Variants in PPL observed in about 807,000 individuals in gnomAD.
The protein encoded by PPL is 190 kDa paraneoplastic pemphigus antigen.
Under a neutral mutation model 194.4 loss-of-function variants are expected in PPL, and 198 were observed. That is an observed-to-expected ratio of 1.02 (90% CI 0.91 to 1.15). The LOEUF (loss-of-function observed/expected upper bound fraction) is 1.15. Ranked by LOEUF, PPL falls within the 50% of genes most tolerant of loss-of-function variation. PPL has a pLI of 0.00. For synonymous variants in PPL, 1,220 were observed against 972.4 expected, an observed-to-expected ratio of 1.25 and a Z score of -4.74; for missense variants, 2,885 against 2,294.8, an observed-to-expected ratio of 1.26 and a Z score of -5.25.
intron 2 of PPL, among the ~76,000 whole-genome samples, chr16:4,907,192 G>A (rs1353776346): frequency 2.6e-5 from 4 of 151,824 alleles, no homozygotes; most frequent in African/African-American, 9.7e-5. Context: ...AGCCCAGGAG[G>A]TTGAGGCTTC....
chr16:4,920,818 G>C (rs115045199), intron 1 of PPL, among the ~76,000 whole-genome samples: 58 of 152,198 alleles, frequency 3.8e-4, no homozygotes, highest in African/African-American at 1.3e-3. Context: ...GCCCAGGCTG[G>C]TCTTAAACTC....
intron 1 of PPL, among the ~76,000 whole-genome samples, chr16:4,926,887 A>AAAAC (rs1165540800): frequency 2.6e-5 from 3 of 115,766 alleles, no homozygotes; most frequent in East Asian, 1.9e-4. Flanking sequence ...TCAAAAAAAA[A>AAAAC]AAAAACAAAA....
At chr16:4,932,822 C>T (rs1285803727) in intron 1 of PPL, among the ~76,000 whole-genome samples, 1 of 152,004 alleles carries the variant, frequency 6.6e-6, no homozygotes, top group East Asian at 1.9e-4. Context: ...CATGTGCATC[C>T]CCTCATTTGA....
chr16:4,899,109 G>C lies in PPL; in HGVS notation c.780C>G (p.Asn260Lys), dbSNP rs149446260. ...SRRRQYENFI[N>K]RNLEAKEERI... is the part of the protein sequence containing the mutation. ...TCTCCTCTTTGGCCTCCAGGTTCCGGTTGATGAAATTCTGCAGTGGGGGGC... is the reference window on the plus strand; with the variant it reads ...TCTCCTCTTTGGCCTCCAGGTTCCGCTTGATGAAATTCTGCAGTGGGGGGC... Residue 260 changes from asparagine (N) to lysine (K), a missense_variant, in exon 8 of 22, where the codon AAC becomes AAG. Transcript: ENST00000345988. 4 of 1,613,820 alleles carry C rather than the reference G, an allele frequency of 2.5e-6. No homozygotes were observed. The highest frequency in any genetic ancestry group is 2.5e-6 in the Non-Finnish European group (3 of 1,179,992).
At chr16:4,894,679 T>G (rs779329762) in intron 11 of PPL, 61 bp from the exon 12 acceptor site, 116 of 1,576,722 alleles carry the variant, frequency 7.4e-5, no homozygotes, top group Non-Finnish European at 9.6e-5. Flanking sequence ...GGGAGCCCGG[T>G]TGCCATCTCA....
At chr16:4,897,802 G>C in intron 8 of PPL, 32 bp from the exon 9 acceptor site, 1 of 1,574,272 alleles carries the variant, frequency 6.4e-7, no homozygotes, top group Non-Finnish European at 8.7e-7. Context: ...GGTCACCACT[G>C]GGCAGGTACT....
intron 19 of PPL, 144 bp downstream of exon 19, chr16:4,888,834 C>G: frequency 1.3e-6 from 1 of 761,796 alleles, no homozygotes; most frequent in Non-Finnish European, 2.3e-6. Flanking sequence ...AAAGCCTGTG[C>G]CAGTTTGCAC....
In PPL at chr16:4,885,703, C is replaced by CT. The variant is rs1177151819; in HGVS notation, c.2951dup (p.Thr985AspfsTer19). ...CGTACTCCTGCCCCCCGTCTCTGGT[C>CT]TCCTGCTCCAGGGCACGCAGCTGCA... is the stretch of plus-strand genomic sequence containing the variant. On this transcript the variant is annotated frameshift_variant, in exon 22 of 22. Transcript: ENST00000345988. LOFTEE classifies it high-confidence loss of function. This position sits in a 1 kb window ranked among gnomAD's most constrained non-coding sequence, Gnocchi z 6.3. 3 of 1,613,454 alleles carry CT rather than the reference C, an allele frequency of 1.9e-6. No individual in the cohort carries two copies. The African/African-American group carries it at 4.0e-5, about 22-fold the overall frequency.
intron 4 of PPL, among the ~76,000 whole-genome samples, chr16:4,901,497 T>C (rs1438406021): frequency 2.0e-5 from 3 of 152,160 alleles, no homozygotes. Flanking sequence ...GAGACCAGCC[T>C]GGCCAATGTA....
intron 9 of PPL, among the ~76,000 whole-genome samples, chr16:4,896,497 A>G (rs1308190292): frequency 6.6e-6 from 1 of 152,188 alleles, no homozygotes. Flanking sequence ...CAGAGATTGC[A>G]TGATCCCACT....
chr16:4,933,313 G>A (rs2089249575), intron 1 of PPL, among the ~76,000 whole-genome samples: 1 of 152,154 alleles, frequency 6.6e-6, no homozygotes, highest in Non-Finnish European at 1.5e-5. Flanking sequence ...CGGCCCCAGT[G>A]TTGCAAGACC....
intron 2 of PPL, 109 bp from the exon 3 acceptor site, chr16:4,904,149 T>C: frequency 8.4e-7 from 1 of 1,188,950 alleles, no homozygotes; most frequent in Non-Finnish European, 1.2e-6. Context: ...CTTCTTTCCC[T>C]TTGAATAACG....
At position 4,889,241 on chromosome 16, in the gene PPL, GTTTTTTTTT is replaced by G. The variant is rs869094472; in HGVS notation, c.2314-189_2314-181del. On this transcript the variant is annotated intron_variant, in intron 18 of 21. Coordinates refer to ENST00000345988, the MANE Select transcript of PPL (RefSeq NM_002705.5). ...AAAAGGCAGTTTTTTTGTTGTTGTT[GTTTTTTTTT>G]TTTTTTTTTTTTTTTTTTTTTTTTG... is the stretch of plus-strand genomic sequence containing the variant. Among the ~76,000 whole-genome samples the G allele has an allele frequency of 2.6e-3, 173 of 66,634 alleles. 18 individuals are homozygous for G. The East Asian group carries it at 0.066, about 26-fold the overall frequency. The allele number at this position is 66,634 out of a possible 152,430, so 43.7% of individuals were successfully genotyped here.
intron 2 of PPL, among the ~76,000 whole-genome samples, chr16:4,908,442 C>G (rs2088748216): frequency 6.8e-6 from 1 of 147,902 alleles, no homozygotes; most frequent in Admixed American, 6.8e-5. Context: ...CTCTCTCTCT[C>G]TCTCACACAC....
intron 1 of PPL, among the ~76,000 whole-genome samples, chr16:4,925,492 T>C (rs2089139861): frequency 6.6e-6 from 1 of 152,260 alleles, no homozygotes; most frequent in Non-Finnish European, 1.5e-5. Flanking sequence ...TTAGTGTTAC[T>C]GGGGCTCTTA....
chr16:4,929,842 T>G lies in PPL; in HGVS notation c.62+7142A>C, dbSNP rs373942364. Among the ~76,000 whole-genome samples, 510 of 151,684 alleles carry G rather than the reference T, an allele frequency of 3.4e-3. 4 individuals carry two copies. Among genetic ancestry groups the G allele is most frequent in the African/African-American group, 0.012 (487 of 41,350 alleles). On this transcript the variant is annotated intron_variant, in intron 1 of 21. Coordinates refer to ENST00000345988, the MANE Select transcript of PPL (RefSeq NM_002705.5). ...CTAAGACTAGAGGCATGCACCACCA[T>G]GCCCAGCTAATTTTTTTTTTTTTTT...
intron 17 of PPL, 60 bp downstream of exon 17, chr16:4,890,668 A>G (rs1055461609): frequency 1.3e-6 from 2 of 1,518,304 alleles, no homozygotes; most frequent in Non-Finnish European, 1.8e-6. Context: ...AGCATTGCTT[A>G]GAGGGAATTA....
chr16:4,890,234 G>A lies in PPL; in HGVS notation c.2263C>T (p.Gln755Ter), dbSNP rs2088293670. The change falls in exon 18 of 22, where the codon CAG (glutamine) becomes TAG (stop). Residue 755 changes from glutamine (Q) to a stop codon, truncating the protein, a stop_gained. Coordinates refer to ENST00000345988, the MANE Select transcript of PPL (RefSeq NM_002705.5). LOFTEE classifies it high-confidence loss of function. Reference sequence around the variant, plus strand: ...ATCTGGCTGAGGCTGTCTGTCTCCTGGGGCTCGTAACTGGGGATGCTGACT... The same window carrying A: ...ATCTGGCTGAGGCTGTCTGTCTCCTAGGGCTCGTAACTGGGGATGCTGACT... Reference protein sequence around the residue: ...FLVSIPSYEPQETDSLSQMET... With the variant: ...FLVSIPSYEP 6.2e-7 allele frequency: 1 copy of A among 1,614,080 alleles called. No individual in the cohort carries two copies. Among genetic ancestry groups the A allele is most frequent in the African/African-American group, 1.3e-5 (1 of 74,930 alleles).
chr16:4,916,396 G>C (rs540683129), intron 1 of PPL, among the ~76,000 whole-genome samples: 1 of 152,272 alleles, frequency 6.6e-6, no homozygotes, highest in South Asian at 2.1e-4. Flanking sequence ...ACTTTTAGTA[G>C]AGACGGGGTT....
Sources: gnomAD v4.1 joint callset for allele counts (sites outside exome capture counted in the v4.1 genomes callset) on GRCh38, gnomAD v4.1.1 for gene constraint, Gnocchi (gnomAD v3.1) non-coding constraint, MANE v1.5 for transcripts, NCBI Gene and HGNC (gene_info 2026-07-23, HGNC 2026-07-21) for gene names.